The following RGS20 variants were observed in gnomAD, a reference collection of about 807,000 sequenced individuals.
RGS20 encodes regulator of G protein signaling 20, also known as gz-selective GTPase-activating protein.
In RGS20, 30 loss-of-function variants were observed where a neutral mutation model predicts 33.6. The observed-to-expected ratio is 0.89, with a 90% CI of 0.67 to 1.21. RGS20 has a LOEUF of 1.21. Ranked by LOEUF, RGS20 falls within the 50% of genes most tolerant of loss-of-function variation. The probability of loss-of-function intolerance (pLI) is 0.00; values close to 1 mark genes in which losing one functional copy is unlikely to be tolerated. For missense variants in RGS20, 472 were observed against 502.4 expected, an observed-to-expected ratio of 0.94 and a Z score of 0.58; for synonymous variants, 208 against 197.9, an observed-to-expected ratio of 1.05 and a Z score of -0.43.
At chr8:53,868,559 G>T (rs1347789987) in intron 1 of RGS20, among the ~76,000 whole-genome samples, 1 of 150,732 alleles carries the variant, frequency 6.6e-6, no homozygotes, top group East Asian at 1.9e-4. Flanking sequence ...TATACCTCAG[G>T]GTAAAAAAAA....
chr8:53,885,396 G>A (rs1199215567), intron 2 of RGS20, among the ~76,000 whole-genome samples: 1 of 152,158 alleles, frequency 6.6e-6, no homozygotes, highest in African/African-American at 2.4e-5. Context: ...GGTGGATCAC[G>A]AGGTCAGGAC....
rs1260499271 is a variant in RGS20 at position 53,875,443 on chromosome 8, AAAAAAAACC to A, written c.166-3797_166-3789del. On this transcript the variant is annotated intron_variant, in intron 1 of 5. Transcript: ENST00000297313. ...TAAGACTCTGTCAAAAAAAAAAAAA[AAAAAAAACC>A]AAAAAAACCAAAAAAACTAAAAAAC... 1.3e-3 allele frequency among the ~76,000 whole-genome samples: 190 copies of A among 149,052 alleles called. 3 individuals are homozygous for A. The highest frequency in any genetic ancestry group is 3.5e-3 in the South Asian group (16 of 4,560).
At chr8:53,930,306 T>C (rs1249529421) in intron 2 of RGS20, among the ~76,000 whole-genome samples, 1 of 152,256 alleles carries the variant, frequency 6.6e-6, no homozygotes, top group African/African-American at 2.4e-5. Flanking sequence ...ATATCATTTA[T>C]GACAGCAGCA....
intron 1 of RGS20, among the ~76,000 whole-genome samples, chr8:53,862,705 ATGAGGATTGCT>A (rs564742445): frequency 3.2e-4 from 49 of 152,312 alleles, no homozygotes; most frequent in African/African-American, 1.2e-3. Flanking sequence ...AGGCTGAGGC[ATGAGGATTGCT>A]TGAGCCCAGG....
intron 2 of RGS20, 25 bp downstream of exon 1, chr8:53,881,109 CTCTT>C (rs1221501053): frequency 2.7e-6 from 4 of 1,488,594 alleles, no homozygotes; most frequent in Admixed American, 4.9e-5. Context: ...TCCTCGAACT[CTCTT>C]TCTTCGTCTC....
intron 1 of RGS20, among the ~76,000 whole-genome samples, chr8:53,861,938 A>C (rs1811816788): frequency 6.6e-6 from 1 of 152,122 alleles, no homozygotes; most frequent in Non-Finnish European, 1.5e-5. Flanking sequence ...ATCTCCCATC[A>C]TTTGTTGGCC....
At chr8:53,864,644 G>A (rs1811882626) in intron 1 of RGS20, among the ~76,000 whole-genome samples, 1 of 151,958 alleles carries the variant, frequency 6.6e-6, no homozygotes, top group African/African-American at 2.4e-5. Flanking sequence ...CAGAGTAAGA[G>A]CCCAGTTAAT....
At chr8:53,915,144 CA>C (rs34526937) in intron 2 of RGS20, among the ~76,000 whole-genome samples, 52,542 of 145,338 alleles carry the variant, frequency 0.36, 11,317 homozygotes, top group Middle Eastern at 0.57. Context: ...GGCTCTGTCT[CA>C]AAAAAAAAAA....
At chr8:53,936,876 G>C (rs1231140631) in intron 2 of RGS20, among the ~76,000 whole-genome samples, 2 of 152,122 alleles carry the variant, frequency 1.3e-5, no homozygotes, top group Admixed American at 6.5e-5. Flanking sequence ...AAAACAGCAT[G>C]GTACTGGTAC....
At chr8:53,899,894 C>T (rs79487116) in intron 2 of RGS20, among the ~76,000 whole-genome samples, 224 of 152,292 alleles carry the variant, frequency 1.5e-3, no homozygotes, top group African/African-American at 5.0e-3. Flanking sequence ...CACCACTCAC[C>T]GCCCTCAGCA....
At chr8:53,938,257 G>T (rs1045055739) in intron 2 of RGS20, among the ~76,000 whole-genome samples, 1 of 152,132 alleles carries the variant, frequency 6.6e-6, no homozygotes, top group Non-Finnish European at 1.5e-5. Flanking sequence ...GCCGGAAACC[G>T]TCATTCTCAG....
At chr8:53,954,401 C>T in intron 5 of RGS20, 91 bp downstream of exon 4, 4 of 829,314 alleles carry the variant, frequency 4.8e-6, no homozygotes, top group East Asian at 2.8e-5. Context: ...CAGTGGCTCA[C>T]GTCTGTAATC....
At chr8:53,911,594 G>A (rs73589219) in intron 2 of RGS20, among the ~76,000 whole-genome samples, 7,904 of 152,208 alleles carry the variant, frequency 0.052, 615 homozygotes, top group African/African-American at 0.17. Context: ...CCTAAACTAC[G>A]TAGAAAAAAT....
In RGS20 at chr8:53,851,931, G is replaced by T; in HGVS notation, c.32G>T (p.Cys11Phe). ...CAGCTTTCCCAAGATAACCAAGAGT[G>T]CCTCCAGAAACATTTCTCCAGGCCG... Residue 11 changes from cysteine (C) to phenylalanine (F), a missense_variant, in exon 1 of 6, where the codon TGC becomes TTC. Physicochemically the swap from Cys to Phe is radical, Grantham distance 205 (BLOSUM62 -2). Coordinates refer to ENST00000297313, the MANE Select transcript of RGS20 (RefSeq NM_170587.4). The T allele has an allele frequency of 6.2e-7, 1 of 1,614,066 alleles. No homozygotes were observed. The highest frequency in any genetic ancestry group is 8.5e-7 in the Non-Finnish European group (1 of 1,179,986).
At chr8:53,855,454 A>G (rs1431130959) in intron 1 of RGS20, among the ~76,000 whole-genome samples, 1 of 152,204 alleles carries the variant, frequency 6.6e-6, no homozygotes, top group African/African-American at 2.4e-5. Flanking sequence ...TGGTGGATAT[A>G]GCTACAAAGG....
intron 2 of RGS20, among the ~76,000 whole-genome samples, chr8:53,937,773 AC>A (rs1563417469): frequency 6.6e-6 from 1 of 152,220 alleles, no homozygotes; most frequent in Non-Finnish European, 1.5e-5. Context: ...GCCAAAAGAC[AC>A]ATGAAAAAAA....
intron 2 of RGS20, among the ~76,000 whole-genome samples, chr8:53,923,079 G>T (rs1813696513): frequency 6.6e-6 from 1 of 152,044 alleles, no homozygotes; most frequent in African/African-American, 2.4e-5. Flanking sequence ...CTTATATGTA[G>T]CTCCTTTCTC....
intron 4 of RGS20, among the ~76,000 whole-genome samples, chr8:53,948,089 G>A (rs1406490995): frequency 1.5e-5 from 2 of 131,328 alleles, no homozygotes; most frequent in Non-Finnish European, 3.1e-5. Context: ...CTATATATAA[G>A]ATGTAGTATA....
intron 5 of RGS20, among the ~76,000 whole-genome samples, chr8:53,955,515 TCA>T (rs1418307988): frequency 1.3e-5 from 2 of 152,122 alleles, no homozygotes; most frequent in African/African-American, 2.4e-5. Flanking sequence ...TGTCAGTGTT[TCA>T]GTTTCTTCAA....
Sources: gnomAD v4.1 joint callset for allele counts (sites outside exome capture counted in the v4.1 genomes callset) on GRCh38, gnomAD v4.1.1 for gene constraint, MANE v1.5 for transcripts, NCBI Gene and HGNC (gene_info 2026-07-23, HGNC 2026-07-21) for gene names.